COL26A1: variants seen among roughly 807,000 people sequenced by gnomAD.
COL26A1 encodes the protein collagen type XXVI alpha 1 chain, also known as collagen alpha-1(XXVI) chain.
COL26A1 carries 41 observed loss-of-function variants against 59.3 expected under a neutral mutation model. The ratio of observed to expected loss-of-function variants is 0.69; its 90% CI spans 0.54 to 0.90. COL26A1 has a LOEUF of 0.90. Ranked by LOEUF, COL26A1 falls within the 40% of genes least tolerant of loss-of-function variation. The pLI is 0.00. For missense variants in COL26A1, 612 were observed against 602.3 expected (o/e 1.02, Z -0.17); for synonymous variants, 266 against 256.0 (o/e 1.04, Z -0.37).
chr7:101,447,417 C>T (rs959381648), intron 2 of COL26A1, among the ~76,000 whole-genome samples: 1 of 152,224 alleles, frequency 6.6e-6, no homozygotes, highest in Non-Finnish European at 1.5e-5. Context: ...TCGGCCTACT[C>T]CCAGGAATGA....
At position 101,447,825 on chromosome 7, in the gene COL26A1, G is replaced by A. The variant is rs182858067; in HGVS notation, c.385+38G>A. On this transcript the variant is annotated intron_variant, in intron 3 of 12. Coordinates refer to ENST00000313669, the MANE Select transcript of COL26A1 (RefSeq NM_001278563.3). ...GCACTTGGGCTGCAGGGGGCCAGGCGTGGGCCAGGCTGGAGTTTCTCCCTT... is the reference window on the plus strand; with the variant it reads ...GCACTTGGGCTGCAGGGGGCCAGGCATGGGCCAGGCTGGAGTTTCTCCCTT... 3,749 of 1,340,780 alleles carry A rather than the reference G, an allele frequency of 2.8e-3. 20 individuals carry two copies. Among genetic ancestry groups the A allele is most frequent in the Non-Finnish European group, 2.8e-3 (2,685 of 950,538 alleles). 83.1% of individuals were successfully genotyped at this position (1,340,780 alleles called of 1,614,324 possible).
intron 12 of COL26A1, among the ~76,000 whole-genome samples, chr7:101,557,050 C>A (rs1295593255): frequency 7.1e-6 from 1 of 141,350 alleles, no homozygotes; most frequent in Non-Finnish European, 1.6e-5. Flanking sequence ...GATGGACGGG[C>A]AGGTAAATGA....
chr7:101,413,410 T>C (rs997423337), intron 1 of COL26A1, among the ~76,000 whole-genome samples: 2 of 152,000 alleles, frequency 1.3e-5, no homozygotes, highest in African/African-American at 2.4e-5. Context: ...TCCCAGCTAC[T>C]TGGGAGGCTG....
rs188621843 is a variant in COL26A1, at chr7:101,482,559, G to T, written c.385+34772G>T. ...GCAGGATATTGTAATAGTCAGGATG[G>T]ACTAGGTTGCACTTTGGAAACAAAC... On this transcript the variant is annotated intron_variant, in intron 3 of 12. Coordinates refer to ENST00000313669, the MANE Select transcript of COL26A1 (RefSeq NM_001278563.3). 5.0e-4 allele frequency among the ~76,000 whole-genome samples: 76 copies of T among 152,258 alleles called. No individual in the cohort carries two copies. In the East Asian group the frequency reaches 0.014, roughly 29 times the overall value.
rs1795260494 is a variant in COL26A1 at position 101,526,970 on chromosome 7, C to G, written c.386-6112C>G. Among the ~76,000 whole-genome samples the G allele has an allele frequency of 2.6e-5, 4 of 152,340 alleles. No homozygotes were observed. The South Asian group carries it at 8.3e-4, about 32-fold the overall frequency. The stretch of plus-strand genomic sequence containing the variant: ...ACACACCGCACAATCAACTCTCTCT[C>G]TCTTTTGAGACAGCGTCTCAAAAGG... On this transcript the variant is annotated intron_variant, in intron 3 of 12. Transcript: ENST00000313669.
chr7:101,509,623 C>T (rs555681400), intron 3 of COL26A1, among the ~76,000 whole-genome samples: 1 of 152,064 alleles, frequency 6.6e-6, no homozygotes, highest in Admixed American at 6.5e-5. Context: ...AGGTACAGGG[C>T]AGGGTTCATT....
At chr7:101,428,954 C>G (rs1792712082) in intron 2 of COL26A1, among the ~76,000 whole-genome samples, 1 of 146,420 alleles carries the variant, frequency 6.8e-6, no homozygotes, top group African/African-American at 2.5e-5. Context: ...GAGACGGAGT[C>G]TCACTCTGTT....
intron 3 of COL26A1, among the ~76,000 whole-genome samples, chr7:101,490,849 A>C (rs1412814483): frequency 1.3e-5 from 2 of 151,932 alleles, no homozygotes; most frequent in African/African-American, 2.4e-5. Flanking sequence ...AAATACAAAA[A>C]TTAGCCAGGC....
chr7:101,492,017 C>G (rs1438573469), intron 3 of COL26A1, among the ~76,000 whole-genome samples: 1 of 152,024 alleles, frequency 6.6e-6, no homozygotes, highest in Non-Finnish European at 1.5e-5. Context: ...GGTGGACAGG[C>G]TGGGGTCCTC....
chr7:101,448,498 CTT>C (rs113067857), intron 3 of COL26A1, among the ~76,000 whole-genome samples: 7 of 146,050 alleles, frequency 4.8e-5, no homozygotes, highest in Non-Finnish European at 6.0e-5. Flanking sequence ...TCTTCTTTTT[CTT>C]TTTTTTTTTT....
At chr7:101,465,053 G>GTTTTTCTTTTTT (rs1793725462) in intron 3 of COL26A1, among the ~76,000 whole-genome samples, 1 of 63,876 alleles carries the variant, frequency 1.6e-5, no homozygotes, top group Non-Finnish European at 3.5e-5. Flanking sequence ...TTTTTTTTTT[G>GTTTTTCTTTTTT]TTGGGACAGA....
At chr7:101,503,401 C>T (rs1794743606) in intron 3 of COL26A1, among the ~76,000 whole-genome samples, 1 of 152,124 alleles carries the variant, frequency 6.6e-6, no homozygotes, top group Admixed American at 6.5e-5. Context: ...GAGTGTCGCC[C>T]TACCCTGCCC....
At chr7:101,512,303 A>C (rs1014145407) in intron 3 of COL26A1, among the ~76,000 whole-genome samples, 1 of 152,062 alleles carries the variant, frequency 6.6e-6, no homozygotes, top group African/African-American at 2.4e-5. Context: ...TGTACTCTGG[A>C]TGGGGAAAAT....
At chr7:101,499,946 GT>G (rs1794667082) in intron 3 of COL26A1, among the ~76,000 whole-genome samples, 1 of 151,264 alleles carries the variant, frequency 6.6e-6, no homozygotes, top group South Asian at 2.1e-4. Context: ...TTCAGGCACA[GT>G]GGGTAGGGGC....
intron 1 of COL26A1, among the ~76,000 whole-genome samples, chr7:101,387,446 G>A (rs1377308368): frequency 6.7e-6 from 1 of 148,526 alleles, no homozygotes; most frequent in South Asian, 2.1e-4. Context: ...CTGGAAAAGT[G>A]AAAAATCATT....
chr7:101,390,156 T>TTTTTG (rs1554404345), intron 1 of COL26A1, among the ~76,000 whole-genome samples: 11 of 114,166 alleles, frequency 9.6e-5, no homozygotes, highest in Middle Eastern at 4.1e-3. Context: ...GGGTTTTTTT[T>TTTTTG]TTTTTTTTTT....
chr7:101,400,707 C>T (rs1791976664), intron 1 of COL26A1, among the ~76,000 whole-genome samples: 1 of 152,052 alleles, frequency 6.6e-6, no homozygotes, highest in African/African-American at 2.4e-5. Flanking sequence ...TACAGGTGCA[C>T]ATCACCATGC....
chr7:101,407,861 T>C (rs1792164061), intron 1 of COL26A1, among the ~76,000 whole-genome samples: 1 of 152,138 alleles, frequency 6.6e-6, no homozygotes, highest in Non-Finnish European at 1.5e-5. Flanking sequence ...CTTAATCATA[T>C]GCAAATTAAG....
chr7:101,363,519 A>C (rs1790955901), intron 1 of COL26A1, among the ~76,000 whole-genome samples: 1 of 57,830 alleles, frequency 1.7e-5, no homozygotes, highest in Non-Finnish European at 3.1e-5. Context: ...GTGCAGGGCG[A>C]TTGGGGGCTG....
Sources: gnomAD v4.1 joint callset for allele counts (sites outside exome capture counted in the v4.1 genomes callset) on GRCh38, gnomAD v4.1.1 for gene constraint, MANE v1.5 for transcripts, NCBI Gene and HGNC (gene_info 2026-07-23, HGNC 2026-07-21) for gene names.